RYK: variants seen among roughly 807,000 people sequenced by gnomAD.
RYK encodes receptor like tyrosine kinase, also known as inactive tyrosine-protein kinase RYK.
RYK carries 21 observed loss-of-function variants against 70.2 expected under a neutral mutation model. That is an observed-to-expected ratio of 0.30 (90% CI 0.21 to 0.43). RYK has a LOEUF of 0.43. Ranked by LOEUF, RYK falls within the 20% of genes least tolerant of loss-of-function variation. RYK has a pLI of 1.00. For missense variants in RYK, 604 were observed against 753.3 expected, an observed-to-expected ratio of 0.80 and a Z score of 2.32; for synonymous variants, 267 against 278.0, an observed-to-expected ratio of 0.96 and a Z score of 0.39.
rs181429119 is a variant in RYK, at chr3:134,213,969, G to C, written c.355-2362C>G. Among the ~76,000 whole-genome samples the C allele has an allele frequency of 4.6e-5, 7 of 152,186 alleles. No homozygotes were observed. The East Asian group carries it at 7.7e-4, about 17-fold the overall frequency. ...CTACAGGCACACGCCACTATGCCCA[G>C]CTAATTTTTGTATTTTTAGTAGAGA... On this transcript the variant is annotated intron_variant, in intron 2 of 14. Transcript: ENST00000623711.
At chr3:134,223,379 T>C (rs1475455469) in intron 1 of RYK, among the ~76,000 whole-genome samples, 1 of 152,222 alleles carries the variant, frequency 6.6e-6, no homozygotes, top group Non-Finnish European at 1.5e-5. Flanking sequence ...CTTTAAAACT[T>C]ATTTAATTTG....
intron 1 of RYK, among the ~76,000 whole-genome samples, chr3:134,226,672 C>T (rs9858707): frequency 0.14 from 21,943 of 151,950 alleles, 1,942 homozygotes; most frequent in East Asian, 0.47. Context: ...AAAGGTTAAC[C>T]TTTTAAAAAT....
chr3:134,168,499 T>C (rs2012770951), intron 13 of RYK, among the ~76,000 whole-genome samples: 2 of 152,094 alleles, frequency 1.3e-5, no homozygotes, highest in Admixed American at 1.3e-4. Flanking sequence ...GAAACCATCA[T>C]TCTCAGCAAA....
chr3:134,174,729 T>C (rs2013036646), intron 13 of RYK, among the ~76,000 whole-genome samples: 3 of 152,076 alleles, frequency 2.0e-5, no homozygotes. Context: ...TTTACATGGC[T>C]GTAAAATATG....
intron 1 of RYK, among the ~76,000 whole-genome samples, chr3:134,244,932 C>T (rs1434634416): frequency 6.6e-6 from 1 of 152,186 alleles, no homozygotes; most frequent in African/African-American, 2.4e-5. Context: ...GCCCCTTCCA[C>T]CATGTGAGAA....
intron 5 of RYK, among the ~76,000 whole-genome samples, chr3:134,204,602 C>CACACACACAT (rs2014147239): frequency 8.1e-6 from 1 of 122,990 alleles, no homozygotes; most frequent in Admixed American, 8.0e-5. Context: ...CACACACACA[C>CACACACACAT]ACACACACAC....
rs1387957488 is a variant in RYK at position 134,200,612 on chromosome 3, G to A, written c.788+2118C>T. Reference sequence around the variant, plus strand: ...CTTCATAAAATGCCATTTACTATACGTAGGGCTCTGTTTTAAGAGCTTACT... The same window carrying A: ...CTTCATAAAATGCCATTTACTATACATAGGGCTCTGTTTTAAGAGCTTACT... On this transcript the variant is annotated intron_variant, in intron 6 of 14. Coordinates refer to ENST00000623711, the MANE Select transcript of RYK (RefSeq NM_002958.4). 4.6e-5 allele frequency among the ~76,000 whole-genome samples: 7 copies of A among 152,290 alleles called. No individual in the cohort carries two copies. The South Asian group carries it at 8.3e-4, about 18-fold the overall frequency.
chr3:134,170,683 A>G (rs1210540537), intron 13 of RYK: 1 of 152,452 alleles, frequency 6.6e-6, no homozygotes, highest in Admixed American at 6.5e-5. Flanking sequence ...GCAAAAGTAG[A>G]TAAAATATGC....
At chr3:134,244,923 C>A (rs1254337682) in intron 1 of RYK, among the ~76,000 whole-genome samples, 2 of 152,144 alleles carry the variant, frequency 1.3e-5, no homozygotes, top group South Asian at 4.1e-4. Context: ...AGCTCGTTTG[C>A]CCCTTCCACC....
chr3:134,237,242 G>A (rs961189864), intron 1 of RYK, among the ~76,000 whole-genome samples: 1 of 152,116 alleles, frequency 6.6e-6, no homozygotes, highest in African/African-American at 2.4e-5. Context: ...GTTGACTATT[G>A]GTTTCTCAAA....
At chr3:134,220,153 T>C (rs1464673536) in intron 2 of RYK, among the ~76,000 whole-genome samples, 3 of 152,168 alleles carry the variant, frequency 2.0e-5, no homozygotes, top group Non-Finnish European at 4.4e-5. Flanking sequence ...AGGGGCATTC[T>C]ACAAAATTAC....
At chr3:134,189,922 C>T (rs2013594220) in intron 8 of RYK, among the ~76,000 whole-genome samples, 1 of 152,070 alleles carries the variant, frequency 6.6e-6, no homozygotes, top group South Asian at 2.1e-4. Context: ...TCTCATTTTA[C>T]TCTTTCTCAC....
chr3:134,209,709 T>G lies in RYK; in HGVS notation c.575A>C (p.Lys192Thr). The change falls in exon 4 of 15, where the codon AAA becomes ACA. Residue 192 changes from lysine to threonine, a missense_variant. Around this residue, in one of 2 missense-constraint regions of RYK, gnomAD observed 466 missense variants for 535.9 expected, o/e 0.87. Transcript: ENST00000623711. ...AAATTCCTTACTTTTGTAGCACATTTTCCTTCGTTTAAAATTTAAGACGGT... is the reference window on the plus strand; with the variant it reads ...AAATTCCTTACTTTTGTAGCACATTGTCCTTCGTTTAAAATTTAAGACGGT... ...NFTVLNFKRRKMCYKKLEEVK... is the reference protein window; with the variant it reads ...NFTVLNFKRRTMCYKKLEEVK... The G allele has an allele frequency of 6.8e-7, 1 of 1,472,178 alleles. No homozygotes were observed. Among genetic ancestry groups the G allele is most frequent in the Non-Finnish European group, 9.1e-7 (1 of 1,104,408 alleles). 91.2% of individuals were successfully genotyped at this position (1,472,178 alleles called of 1,614,324 possible). A position where few individuals can be genotyped will look rare whatever the true frequency, so the allele number is the denominator to read the frequency against.
At chr3:134,183,366 C>T (rs1279823132) in intron 9 of RYK, 1 of 184,860 alleles carries the variant, frequency 5.4e-6, no homozygotes, top group Non-Finnish European at 1.1e-5. Flanking sequence ...CTGCTAACTT[C>T]CTTTTTTCCT....
intron 13 of RYK, among the ~76,000 whole-genome samples, chr3:134,168,820 T>C (rs1417086778): frequency 6.6e-6 from 1 of 152,046 alleles, no homozygotes; most frequent in Non-Finnish European, 1.5e-5. Context: ...AACTCTAGCT[T>C]TCTCTTTGAT....
At position 134,207,489 on chromosome 3, in the gene RYK, T is replaced by G; in HGVS notation, c.626A>C (p.Asn209Thr). ...EEVKTSALDK[N>T]TSRTIYDPVH... The stretch of plus-strand genomic sequence containing the variant: ...ACACTTACAAATAGTTCTGCTAGTG[T>G]TTTTGTCCAAGGCTGAAGTTTTTAC... The change falls in exon 5 of 15, where the codon AAC becomes ACC. Residue 209 changes from asparagine (N) to threonine (T), a missense_variant. Physicochemically the swap from Asn to Thr is moderately conservative, Grantham distance 65 (BLOSUM62 0). Coordinates refer to ENST00000623711, the MANE Select transcript of RYK (RefSeq NM_002958.4). 1 of 1,542,020 alleles carries G rather than the reference T, an allele frequency of 6.5e-7. No homozygotes were observed. Among genetic ancestry groups the G allele is most frequent in the South Asian group, 1.2e-5 (1 of 82,064 alleles).
chr3:134,184,768 A>AAAT (rs1269763718), intron 9 of RYK, among the ~76,000 whole-genome samples: 1 of 151,892 alleles, frequency 6.6e-6, no homozygotes, highest in Non-Finnish European at 1.5e-5. Context: ...CTGTCTCCCA[A>AAAT]AATAATAATA....
chr3:134,173,454 T>C (rs1019733162), intron 13 of RYK, among the ~76,000 whole-genome samples: 8 of 152,246 alleles, frequency 5.3e-5, no homozygotes, highest in African/African-American at 1.7e-4. Flanking sequence ...AGAGGTTGAA[T>C]TGACTTATTT....
At chr3:134,187,773 C>G (rs144606046) in intron 9 of RYK, among the ~76,000 whole-genome samples, 1 of 150,734 alleles carries the variant, frequency 6.6e-6, no homozygotes, top group Non-Finnish European at 1.5e-5. Flanking sequence ...TCGCCCAGGC[C>G]GATCTTGAAC....
Sources: allele counts gnomAD v4.1 joint callset (sites outside exome capture counted in the v4.1 genomes callset), GRCh38; gene constraint gnomAD v4.1.1; regional missense constraint gnomAD v4.1.1; transcripts MANE v1.5; gene names NCBI Gene and HGNC (gene_info 2026-07-23, HGNC 2026-07-21).